Variants in ANKRD12 observed in about 807,000 individuals in gnomAD.
The protein encoded by ANKRD12 is ankyrin repeat domain-containing protein 12.
In ANKRD12, 85 loss-of-function variants were observed where a neutral mutation model predicts 183.4. That is an observed-to-expected ratio of 0.46 (90% CI 0.39 to 0.56). The LOEUF is 0.56. Among genes scored for constraint, ANKRD12 ranks in the 20% least tolerant of loss-of-function variants. ANKRD12 has a pLI of 0.00. For synonymous variants in ANKRD12, 914 were observed against 800.2 expected (o/e 1.14, Z -2.40); for missense variants, 2,405 against 2,357.1 (o/e 1.02, Z -0.42).
At chr18:9,186,240 G>T (rs2034054535) in intron 2 of ANKRD12, among the ~76,000 whole-genome samples, 1 of 150,172 alleles carries the variant, frequency 6.7e-6, no homozygotes, top group South Asian at 2.1e-4. Flanking sequence ...AGCAACAATA[G>T]CAAAAACCAA....
Position 9,167,807 on chromosome 18 carries a change from G to A in ANKRD12, c.-51-14575G>A, listed in dbSNP as rs544175928. ...CTCTGTCTTGTGCCAGTTTCCAAAG[G>A]GAATGCTTCCAGTTTTTGCCCATTC... On this transcript the variant is annotated intron_variant, in intron 1 of 12. Transcript: ENST00000262126. Among the ~76,000 whole-genome samples, 29 of 152,274 alleles carry A rather than the reference G, an allele frequency of 1.9e-4. No homozygotes were observed. In the South Asian group the frequency reaches 6.0e-3, roughly 32 times the overall value.
chr18:9,261,732 T>C (rs561888280), intron 9 of ANKRD12, among the ~76,000 whole-genome samples: 1 of 152,292 alleles, frequency 6.6e-6, no homozygotes, highest in South Asian at 2.1e-4. Flanking sequence ...TGCCATCCTC[T>C]TTTGGGAATT....
chr18:9,156,814 A>G (rs2030534056), intron 1 of ANKRD12, among the ~76,000 whole-genome samples: 1 of 152,180 alleles, frequency 6.6e-6, no homozygotes, highest in Admixed American at 6.5e-5. Flanking sequence ...TTGAAAAAAA[A>G]TTGTGACACA....
rs137920322 is a variant in ANKRD12 at position 9,254,654 on chromosome 18, T to A, written c.1387T>A (p.Ser463Thr). ...GCAAACCAAAAAGGAATATGTAGTT[T>A]CAGGTGAACACAAACAGAAAGGCAA... ...DMQTKKEYVV[S>T]GEHKQKGKVK... The change falls in exon 9 of 13, where the codon TCA becomes ACA. Residue 463 changes from serine (S) to threonine (T), a missense_variant. By Grantham distance (58) the Ser-to-Thr change is moderately conservative. Transcript: ENST00000262126. The A allele has an allele frequency of 2.4e-5, 38 of 1,564,306 alleles. No individual in the cohort carries two copies. In the African/African-American group the frequency reaches 5.0e-4, roughly 20 times the overall value.
intron 1 of ANKRD12, among the ~76,000 whole-genome samples, chr18:9,153,134 C>T (rs1288063316): frequency 6.6e-6 from 1 of 152,078 alleles, no homozygotes; most frequent in Admixed American, 6.6e-5. Context: ...GTACCCAGCC[C>T]ATAGATTTAT....
chr18:9,271,748 TATGA>T (rs2145416968), intron 10 of ANKRD12, among the ~76,000 whole-genome samples: 1 of 152,350 alleles, frequency 6.6e-6, no homozygotes, highest in East Asian at 1.9e-4. Flanking sequence ...TTGTGATTTC[TATGA>T]ATGACAAAGC....
intron 1 of ANKRD12, among the ~76,000 whole-genome samples, chr18:9,138,056 C>T (rs1425952572): frequency 6.6e-6 from 1 of 152,176 alleles, no homozygotes; most frequent in Non-Finnish European, 1.5e-5. Flanking sequence ...TGTTGCAGAT[C>T]CAGTGCTGTG....
At chr18:9,238,098 A>G (rs1258365037) in intron 8 of ANKRD12, among the ~76,000 whole-genome samples, 1 of 152,132 alleles carries the variant, frequency 6.6e-6, no homozygotes, top group East Asian at 1.9e-4. Flanking sequence ...ACTGTTGACC[A>G]TATTCTTCCT....
At chr18:9,223,974 A>G (rs1012670250) in intron 8 of ANKRD12, among the ~76,000 whole-genome samples, 1 of 152,230 alleles carries the variant, frequency 6.6e-6, no homozygotes, top group African/African-American at 2.4e-5. Context: ...AAGCAGATCC[A>G]CAGAGAAAAG....
chr18:9,257,139 TAGA>T lies in ANKRD12; in HGVS notation c.3876_3878del (p.Glu1292del), dbSNP rs1473288559. 2.5e-6 allele frequency: 4 copies of T among 1,614,012 alleles called. No homozygotes were observed. The highest frequency in any genetic ancestry group is 2.2e-5 in the East Asian group (1 of 44,902). On this transcript the variant is annotated inframe_deletion, in exon 9 of 13. Transcript: ENST00000262126. The stretch of plus-strand genomic sequence containing the variant: ...ACATCCCATCTTAGGTCATCTTCTG[TAGA>T]AGATGTTAAACTAATTATAAGCGAG...
chr18:9,139,170 C>G (rs934771343), intron 1 of ANKRD12, among the ~76,000 whole-genome samples: 4 of 152,114 alleles, frequency 2.6e-5, no homozygotes, highest in South Asian at 4.1e-4. Context: ...CAAAAATATT[C>G]AGACGAGGAA....
At position 9,226,899 on chromosome 18, in the gene ANKRD12, G is replaced by T. The variant is rs1323941375; in HGVS notation, c.943+4900G>T. Reference sequence around the variant, plus strand: ...TTTTCGTAAGAAACCAATAAAGGCAGTAGAAATATGCCAGATTATCCGCAG... The same window carrying T: ...TTTTCGTAAGAAACCAATAAAGGCATTAGAAATATGCCAGATTATCCGCAG... On this transcript the variant is annotated intron_variant, in intron 8 of 12. Coordinates refer to ENST00000262126, the MANE Select transcript of ANKRD12 (RefSeq NM_015208.5). Among the ~76,000 whole-genome samples the T allele has an allele frequency of 7.2e-5, 11 of 152,248 alleles. No individual in the cohort carries two copies. In the East Asian group the frequency reaches 2.1e-3, roughly 29 times the overall value.
At chr18:9,139,306 T>C (rs2078237970) in intron 1 of ANKRD12, among the ~76,000 whole-genome samples, 1 of 152,216 alleles carries the variant, frequency 6.6e-6, no homozygotes, top group African/African-American at 2.4e-5. Context: ...AGGAAGATGC[T>C]TTTATCAAGC....
At chr18:9,139,948 C>T (rs1254007258) in intron 1 of ANKRD12, among the ~76,000 whole-genome samples, 1 of 152,138 alleles carries the variant, frequency 6.6e-6, no homozygotes, top group Non-Finnish European at 1.5e-5. Flanking sequence ...TAATTTGCCT[C>T]TTTCTTTAGA....
At chr18:9,197,358 CT>C in intron 3 of ANKRD12, among the ~76,000 whole-genome samples, 1 of 152,262 alleles carries the variant, frequency 6.6e-6, no homozygotes, top group East Asian at 1.9e-4. Context: ...CTTATTCTTC[CT>C]TTTGAAAAGT....
chr18:9,150,567 G>C, intron 1 of ANKRD12, among the ~76,000 whole-genome samples: 1 of 152,140 alleles, frequency 6.6e-6, no homozygotes, highest in Non-Finnish European at 1.5e-5. Flanking sequence ...AAAGATTGTA[G>C]ATGCCTGTAC....
At chr18:9,185,562 T>C (rs1417864125) in intron 2 of ANKRD12, among the ~76,000 whole-genome samples, 3 of 152,286 alleles carry the variant, frequency 2.0e-5, no homozygotes, top group East Asian at 3.9e-4. Context: ...TAGAAATGTT[T>C]AGTAGGCAGT....
rs1426417386 is a variant in ANKRD12 at position 9,282,130 on chromosome 18, C to T, written c.*1004C>T. 6.6e-6 allele frequency: 1 copy of T among 152,502 alleles called. No individual in the cohort carries two copies. The highest frequency in any genetic ancestry group is 1.5e-5 in the Non-Finnish European group (1 of 67,990). 9.4% of individuals were successfully genotyped at this position (152,502 alleles called of 1,614,324 possible). A position where few individuals can be genotyped will look rare whatever the true frequency, so the allele number is the denominator to read the frequency against. On this transcript the variant is annotated 3_prime_UTR_variant, in exon 13 of 13. Coordinates refer to ENST00000262126, the MANE Select transcript of ANKRD12 (RefSeq NM_015208.5). ...AATTGTAAATGTCTATTTTAATATT[C>T]ACCTATGAAAGAATCTGTGAATATA...
Position 9,282,135 on chromosome 18 carries a change from A to C in ANKRD12, c.*1009A>C, listed in dbSNP as rs532903205. On this transcript the variant is annotated 3_prime_UTR_variant, in exon 13 of 13. Coordinates refer to ENST00000262126, the MANE Select transcript of ANKRD12 (RefSeq NM_015208.5). ...TAAATGTCTATTTTAATATTCACCT[A>C]TGAAAGAATCTGTGAATATATGTAA... is the stretch of plus-strand genomic sequence containing the variant. The C allele has an allele frequency of 1.3e-5, 2 of 152,734 alleles. No individual in the cohort carries two copies. Among genetic ancestry groups the C allele is most frequent in the South Asian group, 4.1e-4 (2 of 4,824 alleles). The allele number at this position is 152,734 out of a possible 1,614,324, so 9.5% of individuals were successfully genotyped here. A position where few individuals can be genotyped will look rare whatever the true frequency, so the allele number is the denominator to read the frequency against.
Sources: allele counts gnomAD v4.1 joint callset (sites outside exome capture counted in the v4.1 genomes callset), GRCh38; gene constraint gnomAD v4.1.1; transcripts MANE v1.5; gene names NCBI Gene and HGNC (gene_info 2026-07-23, HGNC 2026-07-21).